SUPT3H: variants seen among roughly 807,000 people sequenced by gnomAD.
SUPT3H encodes transcription initiation protein SPT3 homolog.
A neutral mutation model predicts 44.3 loss-of-function variants in SUPT3H; 44 were observed. That is an observed-to-expected ratio of 0.99 (90% CI 0.78 to 1.28). The LOEUF (loss-of-function observed/expected upper bound fraction) is 1.28. Among genes scored for constraint, SUPT3H ranks in the 50% most tolerant of loss-of-function variants. SUPT3H has a pLI of 0.00. For synonymous variants in SUPT3H, 124 were observed against 125.6 expected (o/e 0.99, Z 0.09); for missense variants, 380 against 387.1 (o/e 0.98, Z 0.15).
rs949327328 is a variant in SUPT3H at position 44,843,921 on chromosome 6, A to T, written c.913-14064T>A. On this transcript the variant is annotated intron_variant, in intron 10 of 10. Coordinates refer to ENST00000371459, the MANE Select transcript of SUPT3H (RefSeq NM_003599.4). ...AACAGCCAAACACACACACACACAC[A>T]CACACGCACACACACACACACACAC... 8.6e-5 allele frequency among the ~76,000 whole-genome samples: 3 copies of T among 34,846 alleles called. No homozygotes were observed. The South Asian group carries it at 7.4e-3, about 85-fold the overall frequency. 22.9% of individuals were successfully genotyped at this position (34,846 alleles called of 152,430 possible).
At chr6:45,263,972 A>T (rs1774831284) in intron 2 of SUPT3H, among the ~76,000 whole-genome samples, 1 of 152,134 alleles carries the variant, frequency 6.6e-6, no homozygotes. Flanking sequence ...TCATTTGAAT[A>T]CCTTCCAGAG....
intron 11 of SUPT3H, among the ~76,000 whole-genome samples, chr6:44,819,199 G>T (rs149614049): frequency 4.8e-4 from 73 of 152,216 alleles, no homozygotes; most frequent in African/African-American, 1.7e-3. Flanking sequence ...ATAATGCTAA[G>T]TAAAAAAGAC....
Position 45,022,001 on chromosome 6 carries a change from A to G in SUPT3H, c.187-1369T>C, listed in dbSNP as rs146827459. 2.7e-4 allele frequency among the ~76,000 whole-genome samples: 41 copies of G among 152,108 alleles called. 2 individuals are homozygous for G. The highest frequency in any genetic ancestry group is 8.2e-4 in the African/African-American group (34 of 41,532). On this transcript the variant is annotated intron_variant, in intron 3 of 10. Coordinates refer to ENST00000371459, the MANE Select transcript of SUPT3H (RefSeq NM_003599.4). ...AACTGTTTTCAGCAGGCATGAACAT[A>G]TTTTTTCTAAAAATTGGTAGAGTGA...
intron 4 of SUPT3H, among the ~76,000 whole-genome samples, chr6:45,019,262 C>T (rs189935357): frequency 5.7e-4 from 87 of 151,944 alleles, no homozygotes; most frequent in African/African-American, 1.8e-3. Flanking sequence ...GTCTTGCTAG[C>T]GGTCTATCAG....
At chr6:45,080,592 C>T (rs373924353) in intron 3 of SUPT3H, among the ~76,000 whole-genome samples, 2 of 151,564 alleles carry the variant, frequency 1.3e-5, no homozygotes, top group Non-Finnish European at 2.9e-5. Flanking sequence ...AAGTACTATT[C>T]AGCCATTAAA....
intron 9 of SUPT3H, among the ~76,000 whole-genome samples, chr6:44,950,900 T>G (rs1038449358): frequency 1.3e-5 from 2 of 151,702 alleles, no homozygotes; most frequent in Non-Finnish European, 2.9e-5. Context: ...GTGCACATTG[T>G]GCAGGTTAGT....
At chr6:44,896,942 C>T (rs576348937) in intron 10 of SUPT3H, among the ~76,000 whole-genome samples, 1 of 152,264 alleles carries the variant, frequency 6.6e-6, no homozygotes, top group Admixed American at 6.5e-5. Context: ...GGCACTGTGC[C>T]AAAGCGCCTT....
chr6:44,829,711 C>A lies in SUPT3H; in HGVS notation c.*105G>T. On this transcript the variant is annotated 3_prime_UTR_variant, in exon 11 of 11. Coordinates refer to ENST00000371459, the MANE Select transcript of SUPT3H (RefSeq NM_003599.4). ...AAAGTCACAACAGACCAGCCCACTC[C>A]CTCAGATAAAAGAAAGGTAAATTTG... The A allele has an allele frequency of 1.5e-6, 2 of 1,323,760 alleles. No homozygotes were observed. Among genetic ancestry groups the A allele is most frequent in the East Asian group, 2.3e-5 (1 of 43,046 alleles). 82.0% of individuals were successfully genotyped at this position (1,323,760 alleles called of 1,614,324 possible).
chr6:45,183,825 GA>G (rs1439380828), intron 2 of SUPT3H, among the ~76,000 whole-genome samples: 2 of 152,176 alleles, frequency 1.3e-5, no homozygotes, highest in East Asian at 1.9e-4. Flanking sequence ...AAGCCAATCT[GA>G]AAAGGATACC....
intron 2 of SUPT3H, among the ~76,000 whole-genome samples, chr6:45,143,958 A>T (rs779756630): frequency 1.6e-4 from 24 of 152,110 alleles, no homozygotes; most frequent in Non-Finnish European, 2.9e-4. Flanking sequence ...AGACGGAAAA[A>T]TTTCTAGAAA....
At chr6:45,054,909 T>A (rs542319053) in intron 3 of SUPT3H, among the ~76,000 whole-genome samples, 1 of 152,266 alleles carries the variant, frequency 6.6e-6, no homozygotes, top group South Asian at 2.1e-4. Flanking sequence ...TTCAAAATGT[T>A]TGAACCCATA....
At chr6:45,286,098 A>T (rs1326615369) in intron 2 of SUPT3H, among the ~76,000 whole-genome samples, 1 of 151,200 alleles carries the variant, frequency 6.6e-6, no homozygotes, top group Non-Finnish European at 1.5e-5. Flanking sequence ...AATTAATTCA[A>T]GATGGATTAA....
At chr6:45,250,472 T>G (rs966703783) in intron 2 of SUPT3H, among the ~76,000 whole-genome samples, 1 of 151,926 alleles carries the variant, frequency 6.6e-6, no homozygotes, top group Non-Finnish European at 1.5e-5. Context: ...CCAGATAAAG[T>G]TGAGAATAAT....
chr6:45,173,268 T>C (rs1247410021), intron 2 of SUPT3H, among the ~76,000 whole-genome samples: 3 of 152,182 alleles, frequency 2.0e-5, no homozygotes, highest in African/African-American at 7.2e-5. Flanking sequence ...CAGAACATTT[T>C]CCCCACTATT....
At chr6:45,281,664 G>C (rs941536244) in intron 2 of SUPT3H, among the ~76,000 whole-genome samples, 2 of 152,156 alleles carry the variant, frequency 1.3e-5, no homozygotes, top group Admixed American at 1.3e-4. Flanking sequence ...CACCTCTGGG[G>C]GCAGGGCATA....
At chr6:45,334,596 C>T (rs755346564) in intron 2 of SUPT3H, among the ~76,000 whole-genome samples, 10 of 150,860 alleles carry the variant, frequency 6.6e-5, no homozygotes, top group South Asian at 2.1e-4. Flanking sequence ...CACATGAACA[C>T]GATGTATTTT....
chr6:44,945,693 T>C (rs1773231984), intron 9 of SUPT3H, among the ~76,000 whole-genome samples: 1 of 152,114 alleles, frequency 6.6e-6, no homozygotes, highest in Admixed American at 6.6e-5. Context: ...AAAGAAAAGT[T>C]AGAGGCTACC....
intron 2 of SUPT3H, among the ~76,000 whole-genome samples, chr6:45,326,465 A>G (rs1466569134): frequency 1.3e-5 from 2 of 151,934 alleles, no homozygotes; most frequent in East Asian, 1.9e-4. Flanking sequence ...TCTCCTTCAC[A>G]TGAATAACTG....
At chr6:45,315,867 T>G (rs1562940514) in intron 2 of SUPT3H, among the ~76,000 whole-genome samples, 1 of 151,798 alleles carries the variant, frequency 6.6e-6, no homozygotes, top group Non-Finnish European at 1.5e-5. Context: ...AGCAAAATCA[T>G]GGAACCAACC....
Sources: allele counts gnomAD v4.1 joint callset (sites outside exome capture counted in the v4.1 genomes callset), GRCh38; gene constraint gnomAD v4.1.1; transcripts MANE v1.5; gene names NCBI Gene and HGNC (gene_info 2026-07-23, HGNC 2026-07-21).